The following HS3ST4 variants were observed in gnomAD, a reference collection of about 807,000 sequenced individuals.
HS3ST4 encodes the protein heparan sulfate glucosamine 3-O-sulfotransferase 4.
In HS3ST4, 17 loss-of-function variants were observed where a neutral mutation model predicts 29.2. That is an observed-to-expected ratio of 0.58 (90% confidence interval 0.40 to 0.87). HS3ST4 has a LOEUF of 0.87. Among genes scored for constraint, HS3ST4 ranks in the 40% least tolerant of loss-of-function variants. HS3ST4 has a pLI of 0.00. For missense variants in HS3ST4, 627 were observed against 634.5 expected (o/e 0.99, Z 0.13); for synonymous variants, 314 against 285.7 (o/e 1.10, Z -1.00).
intron 1 of HS3ST4, among the ~76,000 whole-genome samples, chr16:25,937,575 T>C (rs1968529207): frequency 6.6e-6 from 1 of 152,110 alleles, no homozygotes; most frequent in Non-Finnish European, 1.5e-5. Context: ...CGAGTGGTGG[T>C]GTCACTGGTT....
intron 1 of HS3ST4, among the ~76,000 whole-genome samples, chr16:25,719,101 A>G (rs1567226369): frequency 1.3e-5 from 2 of 152,216 alleles, no homozygotes; most frequent in Non-Finnish European, 2.9e-5. Flanking sequence ...GAAAGAGTTG[A>G]CTTTTTAAAG....
intron 1 of HS3ST4, among the ~76,000 whole-genome samples, chr16:25,842,260 C>T (rs1449998240): frequency 6.6e-6 from 1 of 152,150 alleles, no homozygotes. Context: ...CCACTTCTTC[C>T]AGGTCGAGAG....
At chr16:25,815,469 A>G (rs149341512) in intron 1 of HS3ST4, among the ~76,000 whole-genome samples, 2,281 of 152,202 alleles carry the variant, frequency 0.015, 49 homozygotes, top group African/African-American at 0.052. Flanking sequence ...GATTACAGGC[A>G]TGTGCCACCA....
chr16:26,064,374 G>T (rs1453610777), intron 1 of HS3ST4, among the ~76,000 whole-genome samples: 1 of 152,212 alleles, frequency 6.6e-6, no homozygotes, highest in Non-Finnish European at 1.5e-5. Flanking sequence ...AGGGAGGCTT[G>T]CTAGGTGTCG....
At chr16:25,997,627 A>T (rs1328676731) in intron 1 of HS3ST4, among the ~76,000 whole-genome samples, 1 of 152,150 alleles carries the variant, frequency 6.6e-6, no homozygotes, top group Non-Finnish European at 1.5e-5. Flanking sequence ...CAACTCAGCA[A>T]CCTCAGCAGA....
At chr16:25,956,676 G>A (rs1026186544) in intron 1 of HS3ST4, among the ~76,000 whole-genome samples, 1 of 152,086 alleles carries the variant, frequency 6.6e-6, no homozygotes, top group Non-Finnish European at 1.5e-5. Flanking sequence ...TTCTCAGCTG[G>A]GGAAAAAGAA....
At chr16:25,937,293 A>G (rs927691613) in intron 1 of HS3ST4, among the ~76,000 whole-genome samples, 1 of 152,208 alleles carries the variant, frequency 6.6e-6, no homozygotes, top group Non-Finnish European at 1.5e-5. Flanking sequence ...AGAAAGGGAC[A>G]TTCTGTCCTA....
At chr16:25,799,415 G>A (rs1481165753) in intron 1 of HS3ST4, among the ~76,000 whole-genome samples, 1 of 152,108 alleles carries the variant, frequency 6.6e-6, no homozygotes, top group Admixed American at 6.5e-5. Flanking sequence ...ATAATCTTCA[G>A]AGATAAGAGA....
intron 1 of HS3ST4, among the ~76,000 whole-genome samples, chr16:25,768,302 A>G (rs1283066483): frequency 1.3e-5 from 2 of 152,216 alleles, no homozygotes; most frequent in African/African-American, 4.8e-5. Context: ...AAAAATTGAC[A>G]TAACTTTGCT....
intron 1 of HS3ST4, among the ~76,000 whole-genome samples, chr16:25,703,879 CT>C (rs1235514028): frequency 6.6e-6 from 1 of 152,152 alleles, no homozygotes; most frequent in Non-Finnish European, 1.5e-5. Flanking sequence ...TCCTGACTAC[CT>C]AATTTAAATA....
chr16:25,823,605 G>C (rs771842376), intron 1 of HS3ST4, among the ~76,000 whole-genome samples: 1 of 152,078 alleles, frequency 6.6e-6, no homozygotes, highest in Non-Finnish European at 1.5e-5. Flanking sequence ...CTGTTGCCCA[G>C]ACTGGAGTGC....
At chr16:26,101,328 T>G (rs2141796802) in intron 1 of HS3ST4, among the ~76,000 whole-genome samples, 1 of 152,352 alleles carries the variant, frequency 6.6e-6, no homozygotes, top group South Asian at 2.1e-4. Context: ...CTGACCATCC[T>G]CGTCTCTGTC....
At chr16:25,950,880 G>T (rs116354746) in intron 1 of HS3ST4, among the ~76,000 whole-genome samples, 5 of 152,106 alleles carry the variant, frequency 3.3e-5, no homozygotes, top group Non-Finnish European at 7.3e-5. Context: ...GCTCAGCATG[G>T]GATAGGCACT....
intron 1 of HS3ST4, among the ~76,000 whole-genome samples, chr16:26,111,031 T>G (rs1899122048): frequency 6.6e-6 from 1 of 150,396 alleles, no homozygotes; most frequent in Admixed American, 6.7e-5. Flanking sequence ...ACAATTTATT[T>G]TTTTTGTTAA....
intron 1 of HS3ST4, among the ~76,000 whole-genome samples, chr16:25,854,151 A>G (rs1374732098): frequency 4.0e-5 from 6 of 151,628 alleles, no homozygotes; most frequent in Admixed American, 3.9e-4. Flanking sequence ...CTTTGTTGCC[A>G]AGGTTGGAGT....
At chr16:25,944,600 C>T (rs1011222130) in intron 1 of HS3ST4, among the ~76,000 whole-genome samples, 2 of 152,232 alleles carry the variant, frequency 1.3e-5, no homozygotes, top group Non-Finnish European at 1.5e-5. Context: ...TCTGAGCAAA[C>T]ATCCTGGCAT....
chr16:25,801,365 G>A (rs1467796824), intron 1 of HS3ST4, among the ~76,000 whole-genome samples: 1 of 152,114 alleles, frequency 6.6e-6, no homozygotes, highest in Non-Finnish European at 1.5e-5. Flanking sequence ...TATTATGATA[G>A]CAGTGCATCA....
chr16:26,083,519 G>C (rs1256489613), intron 1 of HS3ST4, among the ~76,000 whole-genome samples: 3 of 152,172 alleles, frequency 2.0e-5, no homozygotes, highest in African/African-American at 7.2e-5. Context: ...ATATATATTA[G>C]ATTTTGCAGA....
At chr16:26,054,313 A>G (rs867644927) in intron 1 of HS3ST4, among the ~76,000 whole-genome samples, 4,173 of 140,596 alleles carry the variant, frequency 0.03, 83 homozygotes, top group Middle Eastern at 0.036. Flanking sequence ...AGGAGGAGGA[A>G]GAAGAAGAAG....
Sources: gnomAD v4.1 joint callset for allele counts (sites outside exome capture counted in the v4.1 genomes callset) on GRCh38, gnomAD v4.1.1 for gene constraint, MANE v1.5 for transcripts, NCBI Gene and HGNC (gene_info 2026-07-23, HGNC 2026-07-21) for gene names.